C8orf88: variants seen among roughly 807,000 people sequenced by gnomAD.
The protein encoded by C8orf88 is uncharacterized protein C8orf88.
A neutral mutation model predicts 18.4 loss-of-function variants in C8orf88; 14 were observed. The observed-to-expected ratio is 0.76, with a 90% CI of 0.50 to 1.19. C8orf88 has a LOEUF of 1.19. Among genes scored for constraint, C8orf88 ranks in the 50% most tolerant of loss-of-function variants. The probability of loss-of-function intolerance (pLI) is 0.00; values close to 1 mark genes in which losing one functional copy is unlikely to be tolerated. For synonymous variants in C8orf88, 45 were observed against 42.9 expected (o/e 1.05, Z -0.19); for missense variants, 116 against 134.7 (o/e 0.86, Z 0.69).
At chr8:90,969,986 C>A (rs141624762) in intron 4 of C8orf88, among the ~76,000 whole-genome samples, 190 of 151,900 alleles carry the variant, frequency 1.3e-3, no homozygotes, top group Non-Finnish European at 2.2e-3. Context: ...TATACTTGAG[C>A]ATAAATAGTA....
intron 3 of C8orf88, among the ~76,000 whole-genome samples, chr8:90,972,088 T>A (rs1811291642): frequency 3.3e-5 from 5 of 152,058 alleles, no homozygotes; most frequent in Admixed American, 3.3e-4. Context: ...GAGACATCTA[T>A]CCTTAAAAAT....
chr8:90,967,973 ATT>A (rs1811226775), intron 4 of C8orf88, among the ~76,000 whole-genome samples: 1 of 151,812 alleles, frequency 6.6e-6, no homozygotes, highest in African/African-American at 2.4e-5. Flanking sequence ...CAGATTTAAT[ATT>A]GTTAAGTTGG....
rs536628780 is a variant in C8orf88 at position 90,971,628 on chromosome 8, A to C, written c.148-487T>G. Among the ~76,000 whole-genome samples the C allele has an allele frequency of 2.4e-4, 36 of 152,202 alleles. No individual in the cohort carries two copies. In the East Asian group the frequency reaches 6.6e-3, roughly 28 times the overall value. ...TAAGAGAAATAAGAAAAATTGATGTATCCAATGAGAGGAAGAAAATCAGAA... is the reference window on the plus strand; with the variant it reads ...TAAGAGAAATAAGAAAAATTGATGTCTCCAATGAGAGGAAGAAAATCAGAA... On this transcript the variant is annotated intron_variant, in intron 3 of 5. Coordinates refer to ENST00000517562, the MANE Select transcript of C8orf88 (RefSeq NM_001190972.2).
At chr8:90,983,738 AG>A (rs1811466568) in intron 1 of C8orf88, among the ~76,000 whole-genome samples, 1 of 152,166 alleles carries the variant, frequency 6.6e-6, no homozygotes, top group African/African-American at 2.4e-5. Flanking sequence ...CCTGAGGCTC[AG>A]AAAAATAAGA....
At chr8:90,978,031 G>A (rs2130322106) in intron 3 of C8orf88, among the ~76,000 whole-genome samples, 1 of 152,216 alleles carries the variant, frequency 6.6e-6, no homozygotes, top group Non-Finnish European at 1.5e-5. Flanking sequence ...ATCTGGCTAA[G>A]AAACTGGTGC....
intron 3 of C8orf88, among the ~76,000 whole-genome samples, chr8:90,973,613 G>A (rs1351553815): frequency 6.6e-6 from 1 of 152,134 alleles, no homozygotes; most frequent in East Asian, 1.9e-4. Flanking sequence ...CTCCTGAGGA[G>A]CTAGGACTGC....
chr8:90,968,673 T>C (rs1478451955), intron 4 of C8orf88, among the ~76,000 whole-genome samples: 2 of 132,672 alleles, frequency 1.5e-5, no homozygotes, highest in African/African-American at 5.5e-5. Flanking sequence ...TATATATATA[T>C]ATATATATAT....
intron 3 of C8orf88, among the ~76,000 whole-genome samples, 154 bp from the exon 4 acceptor site, chr8:90,971,295 G>A (rs72662587): frequency 2.5e-3 from 377 of 151,898 alleles, no homozygotes; most frequent in Non-Finnish European, 3.0e-3. Context: ...TAAAATGAGC[G>A]ACAAAAACAT....
intron 5 of C8orf88, 153 bp from the exon 6 acceptor site, chr8:90,959,183 T>A: frequency 2.4e-6 from 1 of 413,306 alleles, no homozygotes; most frequent in Admixed American, 4.6e-5. Flanking sequence ...AACTGTCAAA[T>A]AACAAAACGG....
intron 4 of C8orf88, among the ~76,000 whole-genome samples, chr8:90,969,521 TA>T (rs1019162220): frequency 2.0e-5 from 3 of 151,844 alleles, no homozygotes; most frequent in African/African-American, 7.2e-5. Flanking sequence ...TATATCAATT[TA>T]AAAAATAAAT....
rs562392857 is a variant in C8orf88, at chr8:90,972,327, GA to G, written c.148-1187del. Among the ~76,000 whole-genome samples, 450 of 151,474 alleles carry G rather than the reference GA, an allele frequency of 3.0e-3. 1 individual carries two copies. Among genetic ancestry groups the G allele is most frequent in the African/African-American group, 6.6e-3 (275 of 41,354 alleles). On this transcript the variant is annotated intron_variant, in intron 3 of 5. Transcript: ENST00000517562. ...TTAGTAGAGCTTTTTAAGTAGAGGA[GA>G]AAAAAATGGAAAATGCCTAAGATTT... is the stretch of plus-strand genomic sequence containing the variant.
At position 90,978,619 on chromosome 8, in the gene C8orf88, T is replaced by A. The variant is rs1323672017; in HGVS notation, c.107A>T (p.Tyr36Phe). The A allele has an allele frequency of 2.0e-6, 3 of 1,531,792 alleles. No homozygotes were observed. The East Asian group carries it at 7.4e-5, about 38-fold the overall frequency. The allele number at this position is 1,531,792 out of a possible 1,614,324, so 94.9% of individuals were successfully genotyped here. A position where few individuals can be genotyped will look rare whatever the true frequency, so the allele number is the denominator to read the frequency against. The change falls in exon 3 of 6, where the codon TAT (tyrosine) becomes TTT (phenylalanine). Residue 36 changes from tyrosine to phenylalanine, a missense_variant. Coordinates refer to ENST00000517562, the MANE Select transcript of C8orf88 (RefSeq NM_001190972.2). Reference protein sequence around the residue: ...AVFPFNFQNEYPCNTQCIQSG... With the variant: ...AVFPFNFQNEFPCNTQCIQSG... The stretch of plus-strand genomic sequence containing the variant: ...TTGTATGCACTGAGTGTTGCATGGA[T>A]ATTCGTTTTGAAAGTTGAAAGGGAA...
chr8:90,977,896 G>A (rs549674237), intron 3 of C8orf88, among the ~76,000 whole-genome samples: 5 of 152,222 alleles, frequency 3.3e-5, no homozygotes, highest in African/African-American at 4.8e-5. Flanking sequence ...GCAGTGAGTC[G>A]AGATGGTGCC....
chr8:90,967,908 C>T (rs1811225537), intron 4 of C8orf88, among the ~76,000 whole-genome samples: 1 of 151,494 alleles, frequency 6.6e-6, no homozygotes, highest in Non-Finnish European at 1.5e-5. Flanking sequence ...TAAAATATTG[C>T]TAAAAGAAGT....
chr8:90,965,238 T>A (rs1257743167), intron 4 of C8orf88, among the ~76,000 whole-genome samples: 1 of 151,676 alleles, frequency 6.6e-6, no homozygotes, highest in Non-Finnish European at 1.5e-5. Context: ...TATACTAACA[T>A]TAGACAAAAA....
chr8:90,973,677 T>A (rs1260489898), intron 3 of C8orf88, among the ~76,000 whole-genome samples: 2 of 152,080 alleles, frequency 1.3e-5, no homozygotes, highest in Non-Finnish European at 2.9e-5. Context: ...AGAGACAAGA[T>A]CTTGCTACAT....
chr8:90,984,403 G>A (rs751266056), intron 1 of C8orf88, among the ~76,000 whole-genome samples: 1 of 152,044 alleles, frequency 6.6e-6, no homozygotes, highest in Non-Finnish European at 1.5e-5. Context: ...AGGAAACATC[G>A]GGGAGTAAGA....
At chr8:90,974,679 C>A (rs930198279) in intron 3 of C8orf88, among the ~76,000 whole-genome samples, 1 of 152,068 alleles carries the variant, frequency 6.6e-6, no homozygotes, top group Non-Finnish European at 1.5e-5. Flanking sequence ...TAATACCAGA[C>A]AGAGCCATGG....
At chr8:90,967,511 T>C (rs1055219892) in intron 4 of C8orf88, among the ~76,000 whole-genome samples, 1 of 151,768 alleles carries the variant, frequency 6.6e-6, no homozygotes, top group Admixed American at 6.6e-5. Flanking sequence ...GACAAGTGTT[T>C]AGTAGAATTT....
Sources: gnomAD v4.1 joint callset for allele counts (sites outside exome capture counted in the v4.1 genomes callset) on GRCh38, gnomAD v4.1.1 for gene constraint, MANE v1.5 for transcripts, NCBI Gene and HGNC (gene_info 2026-07-23, HGNC 2026-07-21) for gene names.